The following PTPRE variants were observed in gnomAD, a reference collection of about 807,000 sequenced individuals.
PTPRE encodes protein tyrosine phosphatase receptor type E, also known as receptor-type tyrosine-protein phosphatase epsilon.
PTPRE carries 51 observed loss-of-function variants against 102.0 expected under a neutral mutation model. That is an observed-to-expected ratio of 0.50 (90% CI 0.40 to 0.63). The LOEUF (loss-of-function observed/expected upper bound fraction) is 0.63, where lower values mean the gene tolerates loss of function less well. Among genes scored for constraint, PTPRE ranks in the 30% least tolerant of loss-of-function variants. The pLI is 0.00. For synonymous variants in PTPRE, 345 were observed against 348.2 expected, an observed-to-expected ratio of 0.99 and a Z score of 0.10; for missense variants, 752 against 915.1, an observed-to-expected ratio of 0.82 and a Z score of 2.30.
At chr10:127,910,512 G>A (rs1845795212) in intron 1 of PTPRE, among the ~76,000 whole-genome samples, 1 of 152,190 alleles carries the variant, frequency 6.6e-6, no homozygotes, top group Non-Finnish European at 1.5e-5. Context: ...CCTCCACTAG[G>A]CAGCCAGTGC....
chr10:128,006,916 A>G (rs77419206), intron 2 of PTPRE, among the ~76,000 whole-genome samples: 8,372 of 152,178 alleles, frequency 0.055, 746 homozygotes, highest in African/African-American at 0.19. Flanking sequence ...TTGCTCAAAA[A>G]CGACACCAGA....
intron 1 of PTPRE, among the ~76,000 whole-genome samples, chr10:127,959,323 T>C (rs934499114): frequency 1.3e-5 from 2 of 152,278 alleles, no homozygotes; most frequent in African/African-American, 2.4e-5. Flanking sequence ...CACTCATTCA[T>C]TCATTTGTAC....
Position 128,068,129 on chromosome 10 carries a change from C to T in PTPRE, c.850C>T (p.Pro284Ser), listed in dbSNP as rs750333603. Residue 284 changes from proline (P) to serine (S), a missense_variant, in exon 12 of 21, where the codon CCC becomes TCC. Pro to Ser is a moderately conservative substitution (Grantham distance 74). Coordinates refer to ENST00000254667, the MANE Select transcript of PTPRE (RefSeq NM_006504.6). Reference sequence around the variant, plus strand: ...CTCCCCGCGTCCCCCGCAGCAGCTCCCCGACGGCTGCAAAGCCCCCAGGCT... The same window carrying T: ...CTCCCCGCGTCCCCCGCAGCAGCTCTCCGACGGCTGCAAAGCCCCCAGGCT... ...IRKFCIQPQL[P>S]DGCKAPRLVS... is the part of the protein sequence containing the mutation. 2 of 1,612,506 alleles carry T rather than the reference C, an allele frequency of 1.2e-6. No individual in the cohort carries two copies. The highest frequency in any genetic ancestry group is 1.7e-6 in the Non-Finnish European group (2 of 1,179,088).
chr10:127,960,650 G>A (rs925536560), intron 1 of PTPRE, among the ~76,000 whole-genome samples: 5 of 152,312 alleles, frequency 3.3e-5, no homozygotes, highest in African/African-American at 1.2e-4. Flanking sequence ...CTCAATAAAT[G>A]TGTAAACTTG....
At chr10:127,932,662 C>T (rs943518575) in intron 1 of PTPRE, among the ~76,000 whole-genome samples, 1 of 152,216 alleles carries the variant, frequency 6.6e-6, no homozygotes, top group Admixed American at 6.5e-5. Context: ...TCCCACTCAA[C>T]ACTCCCTGCT....
chr10:128,035,279 A>G (rs1221285967), intron 2 of PTPRE, among the ~76,000 whole-genome samples: 1 of 137,040 alleles, frequency 7.3e-6, no homozygotes. Context: ...ATATGTATAT[A>G]TATACACACA....
In PTPRE at chr10:128,028,615, A is replaced by G. The variant is rs1034376189; in HGVS notation, c.-7-12260A>G. Among the ~76,000 whole-genome samples the G allele has an allele frequency of 6.6e-6, 1 of 151,976 alleles. No homozygotes were observed. The highest frequency in any genetic ancestry group is 1.5e-5 in the Non-Finnish European group (1 of 67,964). ...AGCGCCCAGCAGAAGCGGCAGCCCC[A>G]TCTGTCCCCGAGACCCCACCCCCTC... On this transcript the variant is annotated intron_variant, in intron 2 of 20. Coordinates refer to ENST00000254667, the MANE Select transcript of PTPRE (RefSeq NM_006504.6). The surrounding 1 kb of genome is among the most constrained non-coding windows in gnomAD (Gnocchi z 4.5).
intron 1 of PTPRE, among the ~76,000 whole-genome samples, chr10:127,914,642 T>C (rs911830197): frequency 6.6e-6 from 1 of 152,218 alleles, no homozygotes; most frequent in Non-Finnish European, 1.5e-5. Context: ...AACTAACAGG[T>C]TGGTTTTCAG....
intron 1 of PTPRE, among the ~76,000 whole-genome samples, chr10:127,925,328 T>C (rs1451990401): frequency 6.6e-6 from 1 of 152,244 alleles, no homozygotes. Context: ...ATTTGTCACC[T>C]GATTTAGCCT....
At chr10:128,020,085 TGCACGC>T (rs1845755289) in intron 2 of PTPRE, among the ~76,000 whole-genome samples, 1 of 151,480 alleles carries the variant, frequency 6.6e-6, no homozygotes, top group Non-Finnish European at 1.5e-5. Flanking sequence ...TGCGTGCACA[TGCACGC>T]TGGACACAGG....
At chr10:127,933,461 C>T (rs1335436155) in intron 1 of PTPRE, among the ~76,000 whole-genome samples, 2 of 152,148 alleles carry the variant, frequency 1.3e-5, no homozygotes, top group African/African-American at 4.8e-5. Context: ...TTTTCTCTTT[C>T]CTGAAAACAT....
chr10:128,043,334 A>G (rs563561691), intron 3 of PTPRE, among the ~76,000 whole-genome samples: 1 of 152,370 alleles, frequency 6.6e-6, no homozygotes, highest in African/African-American at 2.4e-5. Context: ...ATCACCAGGC[A>G]TCAGGTTCTC....
intron 2 of PTPRE, among the ~76,000 whole-genome samples, chr10:128,024,018 A>G (rs1846118811): frequency 6.6e-6 from 1 of 152,212 alleles, no homozygotes; most frequent in Non-Finnish European, 1.5e-5. Flanking sequence ...ATCAGCTACT[A>G]CAAGGATGGG....
At position 128,085,152 on chromosome 10, in the gene PTPRE, GA is replaced by G. The variant is rs1371793465; in HGVS notation, c.*2247del. ...GGGACAGCGTTCGCCCTTTAGCGGG[GA>G]GGTCATTACAGCCTCATGGCCTCTA... On this transcript the variant is annotated 3_prime_UTR_variant, in exon 21 of 21. Transcript: ENST00000254667. 2.2e-6 allele frequency: 1 copy of G among 455,706 alleles called. No homozygotes were observed. The allele number at this position is 455,706 out of a possible 1,614,324, so 28.2% of individuals were successfully genotyped here.
chr10:128,019,352 C>T (rs117678097), intron 2 of PTPRE, among the ~76,000 whole-genome samples: 3,218 of 152,186 alleles, frequency 0.021, 47 homozygotes, highest in Non-Finnish European at 0.029. Flanking sequence ...TGTAGGCTGA[C>T]GCCCGGCACT....
chr10:128,040,574 A>G (rs1313231833), intron 2 of PTPRE, among the ~76,000 whole-genome samples: 1 of 152,028 alleles, frequency 6.6e-6, no homozygotes, highest in African/African-American at 2.4e-5. Context: ...CAGGGAGGGC[A>G]GGGGTCTGGG....
intron 1 of PTPRE, among the ~76,000 whole-genome samples, chr10:127,976,174 T>C (rs181048061): frequency 9.2e-5 from 14 of 152,286 alleles, no homozygotes; most frequent in African/African-American, 3.4e-4. Flanking sequence ...ACTGTCAGTA[T>C]CTGAGAAGTG....
chr10:128,069,966 C>A, intron 13 of PTPRE, 139 bp downstream of exon 13: 1 of 1,301,996 alleles, frequency 7.7e-7, no homozygotes, highest in Non-Finnish European at 1.1e-6. Flanking sequence ...CTCCCCATAG[C>A]CTTCCCTGCC....
rs772381129 is a variant in PTPRE, at chr10:128,070,849, G to A, written c.1335G>A (p.Thr445=). The A allele has an allele frequency of 4.2e-5, 68 of 1,614,046 alleles. No individual in the cohort carries two copies. In the Middle Eastern group the frequency reaches 4.9e-4, roughly 12 times the overall value. ...GGATCATGAAGGAGAACATGAGGACGGGCAACTTGCCGGCAAACATGAAGA... is the reference window on the plus strand; with the variant it reads ...GGATCATGAAGGAGAACATGAGGACAGGCAACTTGCCGGCAAACATGAAGA... The part of the protein sequence containing the change: ...NVRIMKENMR[T]GNLPANMKKA... Residue 445 remains threonine, a synonymous_variant, in exon 15 of 21, where the codon ACG becomes ACA. Coordinates refer to ENST00000254667, the MANE Select transcript of PTPRE (RefSeq NM_006504.6). This position sits in a 1 kb window ranked among gnomAD's most constrained non-coding sequence, Gnocchi z 4.8.
Sources: allele counts gnomAD v4.1 joint callset (sites outside exome capture counted in the v4.1 genomes callset), GRCh38; gene constraint gnomAD v4.1.1; non-coding constraint Gnocchi (gnomAD v3.1); transcripts MANE v1.5; gene names NCBI Gene and HGNC (gene_info 2026-07-23, HGNC 2026-07-21).